Variants in DYSF observed in about 807,000 individuals in gnomAD.
DYSF encodes the protein dystrophy-associated fer-1-like 1.
In DYSF, 212 loss-of-function variants were observed where a neutral mutation model predicts 274.9. The observed-to-expected ratio is 0.77, with a 90% CI of 0.69 to 0.86. The LOEUF (loss-of-function observed/expected upper bound fraction) is 0.86, where lower values mean the gene tolerates loss of function less well. DYSF is among the 40% of genes least tolerant of loss of function. The pLI is 0.00. For synonymous variants in DYSF, 1,091 were observed against 1,078.7 expected (o/e 1.01, Z -0.22); for missense variants, 2,666 against 2,783.2 (o/e 0.96, Z 0.95).
At chr2:71,596,052 G>T (rs1453216031) in intron 32 of DYSF, among the ~76,000 whole-genome samples, 1 of 150,564 alleles carries the variant, frequency 6.6e-6, no homozygotes, top group Non-Finnish European at 1.5e-5. Flanking sequence ...GAGAGGCCAG[G>T]CCCCTGCACA....
intron 30 of DYSF, among the ~76,000 whole-genome samples, chr2:71,585,230 C>T (rs2093027193): frequency 6.6e-6 from 1 of 152,174 alleles, no homozygotes; most frequent in Non-Finnish European, 1.5e-5. Context: ...TATTCCAGGC[C>T]CAATTGCCAA....
Position 71,571,416 on chromosome 2 carries a change from AGATCACAGT to A in DYSF, c.3228+676_3228+684del, listed in dbSNP as rs1302847969. Among the ~76,000 whole-genome samples the A allele has an allele frequency of 3.8e-3, 536 of 141,456 alleles. 3 individuals carry two copies. The highest frequency in any genetic ancestry group is 5.1e-3 in the Non-Finnish European group (336 of 65,304). 92.8% of individuals were successfully genotyped at this position (141,456 alleles called of 152,430 possible). Reference sequence around the variant, plus strand: ...CACACAGATCACACCCAGCACACACAGATCACAGTCAGCACACACAGATCACACCCAGCA... The same window carrying A: ...CACACAGATCACACCCAGCACACACACAGCACACACAGATCACACCCAGCA... On this transcript the variant is annotated intron_variant, in intron 29 of 55. Coordinates refer to ENST00000410020, the MANE Select transcript of DYSF (RefSeq NM_001130987.2).
intron 4 of DYSF, among the ~76,000 whole-genome samples, chr2:71,503,976 C>G (rs142546122): frequency 1.3e-5 from 2 of 152,334 alleles, no homozygotes; most frequent in South Asian, 2.1e-4. Flanking sequence ...TACCAGGAAC[C>G]ATGGATTGGA....
chr2:71,667,336 C>T, intron 47 of DYSF, 40 bp from the exon 48 acceptor site: 1 of 1,613,664 alleles, frequency 6.2e-7, no homozygotes, highest in Non-Finnish European at 8.5e-7. Flanking sequence ...TCTCTCGCTT[C>T]CCCAGCTCCT....
chr2:71,526,418 T>TGGGGTTG, intron 13 of DYSF, 72 bp downstream of exon 13: 6 of 261,502 alleles, frequency 2.3e-5, no homozygotes, highest in Non-Finnish European at 3.5e-5. Context: ...GGGTGGGCGA[T>TGGGGTTG]GGCGGGCGGG....
intron 1 of DYSF, among the ~76,000 whole-genome samples, chr2:71,470,533 G>A (rs1023694307): frequency 1.3e-5 from 2 of 151,566 alleles, no homozygotes; most frequent in South Asian, 4.2e-4. Flanking sequence ...AATTAGCCGG[G>A]TGTGGTGGTG....
At chr2:71,581,268 T>G (rs555526960) in intron 30 of DYSF, among the ~76,000 whole-genome samples, 1 of 152,358 alleles carries the variant, frequency 6.6e-6, no homozygotes, top group East Asian at 1.9e-4. Context: ...GGTTTCCTGA[T>G]TCCACCCTCA....
rs2085337911 is a variant in DYSF, at chr2:71,504,932, T to C, written c.345+1613T>C. Reference sequence around the variant, plus strand: ...GGGGAGCCTGCTGCCTTCTCTTCCCTGGCTGGGGATTCCTGGCTGTCTGCA... The same window carrying C: ...GGGGAGCCTGCTGCCTTCTCTTCCCCGGCTGGGGATTCCTGGCTGTCTGCA... On this transcript the variant is annotated intron_variant, in intron 4 of 55. Coordinates refer to ENST00000410020, the MANE Select transcript of DYSF (RefSeq NM_001130987.2). 2.0e-5 allele frequency among the ~76,000 whole-genome samples: 3 copies of C among 152,198 alleles called. No individual in the cohort carries two copies. In the South Asian group the frequency reaches 6.2e-4, roughly 32 times the overall value.
exon 1 of DYSF, chr2:71,453,741 G>C: frequency 1.8e-6 from 1 of 554,444 alleles, no homozygotes; most frequent in Non-Finnish European, 3.3e-6. Context: ...ATGAGCAGAA[G>C]CCCCTGTTCT....
chr2:71,659,134 G>A, intron 44 of DYSF, 101 bp downstream of exon 44: 2 of 1,516,668 alleles, frequency 1.3e-6, no homozygotes, highest in Non-Finnish European at 1.8e-6. Context: ...GTTCATAGTA[G>A]GTTGGGAAAC....
chr2:71,530,661 T>C (rs1396086330), intron 14 of DYSF, among the ~76,000 whole-genome samples: 1 of 152,082 alleles, frequency 6.6e-6, no homozygotes, highest in Non-Finnish European at 1.5e-5. Context: ...GCTGGAATGC[T>C]CCGTCTTGAA....
In DYSF at chr2:71,615,356, C is replaced by T. The variant is rs1354293381; in HGVS notation, c.4464+1946C>T. Among the ~76,000 whole-genome samples the T allele has an allele frequency of 3.3e-5, 5 of 152,018 alleles. No individual in the cohort carries two copies. Among genetic ancestry groups the T allele is most frequent in the Non-Finnish European group, 1.5e-5 (1 of 67,980 alleles). ...CCACCTGGGGAGGGGCTGGGCCTCC[C>T]CTGGCCTGGGACAGGGGAGGAGGAG... is the stretch of plus-strand genomic sequence containing the variant. On this transcript the variant is annotated intron_variant, in intron 40 of 55. Transcript: ENST00000410020. The surrounding 1 kb of genome is among the most constrained non-coding windows in gnomAD (Gnocchi z 4.9).
chr2:71,589,660 G>C lies in DYSF; in HGVS notation c.3470G>C (p.Arg1157Thr), dbSNP rs1256069336. ...SVSTLSFGVN[R>T]PTISCIFDYG... ...TCCACCTTGAGCTTCGGTGTGAACA[G>C]ACCCACGATTTCCTGCATATTCGAC... Residue 1157 changes from arginine to threonine, a missense_variant, in exon 31 of 56, where the codon AGA (arginine) becomes ACA (threonine). Arg to Thr is a moderately conservative substitution (Grantham distance 71). Around this residue, in one of 3 missense-constraint regions of DYSF, gnomAD observed 1,460 missense variants for 1,502.1 expected, o/e 0.97. Transcript: ENST00000410020. 6.2e-7 allele frequency: 1 copy of C among 1,614,196 alleles called. No homozygotes were observed. Among genetic ancestry groups the C allele is most frequent in the Non-Finnish European group, 8.5e-7 (1 of 1,180,022 alleles).
At chr2:71,606,536 A>T (rs4852265) in intron 36 of DYSF, among the ~76,000 whole-genome samples, 6 of 151,818 alleles carry the variant, frequency 4.0e-5, no homozygotes, top group Non-Finnish European at 5.9e-5. Context: ...TGTCCTGGAG[A>T]GGGGGTGCTG....
chr2:71,560,552 C>A (rs1217574069), intron 22 of DYSF, among the ~76,000 whole-genome samples: 1 of 152,078 alleles, frequency 6.6e-6, no homozygotes. Context: ...AGACAGGCCC[C>A]GGGGCTTAAG....
At chr2:71,651,464 G>A (rs2094658449) in intron 42 of DYSF, among the ~76,000 whole-genome samples, 2 of 151,962 alleles carry the variant, frequency 1.3e-5, no homozygotes, top group African/African-American at 2.4e-5. Flanking sequence ...AAGGAAAAGA[G>A]AAACAGAACT....
intron 38 of DYSF, 39 bp from the exon 39 acceptor site, chr2:71,612,602 G>C (rs1008685163): frequency 1.2e-6 from 2 of 1,609,682 alleles, no homozygotes; most frequent in African/African-American, 2.7e-5. Flanking sequence ...ACTTCCCAGA[G>C]GGGGATTCAG....
intron 45 of DYSF, among the ~76,000 whole-genome samples, chr2:71,663,878 C>T (rs1266813367): frequency 1.3e-5 from 2 of 152,144 alleles, no homozygotes; most frequent in Non-Finnish European, 2.9e-5. Context: ...CGGGAGTCCT[C>T]CCTGGACTGG....
intron 3 of DYSF, among the ~76,000 whole-genome samples, chr2:71,496,766 G>C (rs56359102): frequency 0.092 from 14,049 of 152,100 alleles, 736 homozygotes; most frequent in African/African-American, 0.14. Flanking sequence ...GGTCAACAAG[G>C]CTCCAGATGT....
Sources: gnomAD v4.1 joint callset for allele counts (sites outside exome capture counted in the v4.1 genomes callset) on GRCh38, gnomAD v4.1.1 for gene constraint, gnomAD v4.1.1 regional missense constraint, Gnocchi (gnomAD v3.1) non-coding constraint, MANE v1.5 for transcripts, NCBI Gene and HGNC (gene_info 2026-07-23, HGNC 2026-07-21) for gene names.